ATP6V1H: variants seen among roughly 807,000 people sequenced by gnomAD.
ATP6V1H encodes the protein ATPase H+ transporting V1 subunit H, also known as V-type proton ATPase subunit H.
Under a neutral mutation model 71.7 loss-of-function variants are expected in ATP6V1H, and 39 were observed. The observed-to-expected ratio is 0.54, with a 90% CI of 0.42 to 0.71. The LOEUF (loss-of-function observed/expected upper bound fraction) is 0.71, where lower values mean the gene tolerates loss of function less well. ATP6V1H is among the 30% of genes least tolerant of loss of function. The probability of loss-of-function intolerance (pLI) is 0.00; values close to 1 mark genes in which losing one functional copy is unlikely to be tolerated. For synonymous variants in ATP6V1H, 192 were observed against 199.3 expected, an observed-to-expected ratio of 0.96 and a Z score of 0.31; for missense variants, 509 against 594.9, an observed-to-expected ratio of 0.86 and a Z score of 1.50.
At chr8:53,791,916 C>G (rs1244241277) in intron 9 of ATP6V1H, among the ~76,000 whole-genome samples, 2 of 152,166 alleles carry the variant, frequency 1.3e-5, no homozygotes, top group Non-Finnish European at 2.9e-5. Context: ...TACATGGAAC[C>G]CACAACTGTT....
intron 8 of ATP6V1H, 32 bp downstream of exon 8, chr8:53,801,767 G>A: frequency 6.6e-7 from 1 of 1,515,510 alleles, no homozygotes. Context: ...GCTTGTAAAT[G>A]TTATTTTACA....
rs1810262786 is a variant in ATP6V1H at position 53,811,194 on chromosome 8, A to G, written c.549T>C (p.Ala183=). The change falls in exon 7 of 14, where the codon GCT becomes GCC. Residue 183 remains alanine (A), a synonymous_variant. Coordinates refer to ENST00000359530, the MANE Select transcript of ATP6V1H (RefSeq NM_015941.4). ...SSQKLRGSGV[A]VETGTVSSSD... ...TTGAAGAGACTGTTCCTGTTTCAAC[A>G]GCAACACCGCTACCACGCAGTTTCT... 2 of 1,613,400 alleles carry G rather than the reference A, an allele frequency of 1.2e-6. No individual in the cohort carries two copies. Among genetic ancestry groups the G allele is most frequent in the Non-Finnish European group, 1.7e-6 (2 of 1,179,596 alleles).
intron 13 of ATP6V1H, among the ~76,000 whole-genome samples, chr8:53,738,222 G>A (rs937165033): frequency 4.0e-5 from 6 of 151,766 alleles, no homozygotes; most frequent in Non-Finnish European, 5.9e-5. Context: ...GCCTGAACCC[G>A]GGAGGTGGAG....
chr8:53,748,030 C>T (rs1012010816), intron 12 of ATP6V1H, among the ~76,000 whole-genome samples: 17 of 151,832 alleles, frequency 1.1e-4, no homozygotes, highest in African/African-American at 2.7e-4. Flanking sequence ...TGGTGGTGGG[C>T]GCCTGTAATC....
intron 8 of ATP6V1H, among the ~76,000 whole-genome samples, chr8:53,797,846 T>C (rs1436319337): frequency 1.3e-5 from 2 of 151,904 alleles, no homozygotes; most frequent in African/African-American, 4.8e-5. Context: ...CAAAAAAACA[T>C]AACAATACCA....
At chr8:53,802,230 T>C (rs1809932537) in intron 7 of ATP6V1H, among the ~76,000 whole-genome samples, 1 of 152,164 alleles carries the variant, frequency 6.6e-6, no homozygotes, top group Non-Finnish European at 1.5e-5. Context: ...AAAGATACTA[T>C]GTATAGAGAA....
At chr8:53,755,687 TATATATATATATATATATATATA>T (rs1807992488) in intron 12 of ATP6V1H, among the ~76,000 whole-genome samples, 91 of 3,018 alleles carry the variant, frequency 0.03, 6 homozygotes, top group African/African-American at 0.041. Context: ...CCAGCGTACA[TATATATATATATATATATATATA>T]TATATATATA....
At chr8:53,773,096 T>G (rs895467045) in intron 9 of ATP6V1H, among the ~76,000 whole-genome samples, 1 of 152,124 alleles carries the variant, frequency 6.6e-6, no homozygotes, top group Non-Finnish European at 1.5e-5. Context: ...TTCTACCAGA[T>G]TTTAAGTACC....
chr8:53,796,033 T>A (rs1026068053), intron 8 of ATP6V1H, among the ~76,000 whole-genome samples, 194 bp from the exon 9 acceptor site: 41 of 152,098 alleles, frequency 2.7e-4, no homozygotes, highest in African/African-American at 9.9e-4. Context: ...TAACCCTCTC[T>A]CCAAAAGTCA....
At chr8:53,770,729 TAATA>T (rs1808624622) in intron 10 of ATP6V1H, among the ~76,000 whole-genome samples, 1 of 150,236 alleles carries the variant, frequency 6.7e-6, no homozygotes, top group Non-Finnish European at 1.5e-5. Context: ...AGATAATCAA[TAATA>T]ATTAGCTAAA....
intron 2 of ATP6V1H, among the ~76,000 whole-genome samples, chr8:53,838,011 T>C (rs560614533): frequency 6.6e-6 from 1 of 152,242 alleles, no homozygotes; most frequent in South Asian, 2.1e-4. Context: ...AGAGCCACAC[T>C]GAACTACCTG....
At chr8:53,793,624 G>A (rs1417767224) in intron 9 of ATP6V1H, among the ~76,000 whole-genome samples, 1 of 151,830 alleles carries the variant, frequency 6.6e-6, no homozygotes, top group Non-Finnish European at 1.5e-5. Flanking sequence ...CAGCCTGGAT[G>A]ACAGAGTAAA....
chr8:53,794,790 G>A (rs898059587), intron 9 of ATP6V1H, among the ~76,000 whole-genome samples: 4 of 152,058 alleles, frequency 2.6e-5, no homozygotes, highest in Non-Finnish European at 4.4e-5. Context: ...TGACCTCTAC[G>A]CCTCAGTATT....
chr8:53,769,255 A>C (rs1246182243), intron 11 of ATP6V1H, among the ~76,000 whole-genome samples: 2 of 152,150 alleles, frequency 1.3e-5, no homozygotes, highest in African/African-American at 4.8e-5. Flanking sequence ...AAGACTGATG[A>C]ATTGACCTAC....
intron 4 of ATP6V1H, among the ~76,000 whole-genome samples, chr8:53,826,528 G>A (rs1810825855): frequency 6.6e-6 from 1 of 151,902 alleles, no homozygotes; most frequent in Admixed American, 6.6e-5. Context: ...GGCATATTCT[G>A]TTAAGTGAAA....
chr8:53,801,746 C>A, intron 8 of ATP6V1H, 53 bp downstream of exon 8: 1 of 1,399,450 alleles, frequency 7.1e-7, no homozygotes, highest in South Asian at 1.2e-5. Flanking sequence ...TTGAAAATGT[C>A]AAGGAGAGAT....
intron 1 of ATP6V1H, 84 bp from the exon 2 acceptor site, chr8:53,841,809 G>A (rs1441586743): frequency 5.5e-6 from 7 of 1,273,692 alleles, no homozygotes; most frequent in Non-Finnish European, 7.4e-6. Context: ...TGAATATCGT[G>A]ATCACTTTAA....
At chr8:53,742,307 C>T (rs1807441647) in intron 13 of ATP6V1H, among the ~76,000 whole-genome samples, 1 of 152,176 alleles carries the variant, frequency 6.6e-6, no homozygotes, top group Admixed American at 6.5e-5. Context: ...GTGCCAGTAG[C>T]ACCTCCACCC....
intron 13 of ATP6V1H, among the ~76,000 whole-genome samples, chr8:53,717,072 C>G (rs901692655): frequency 6.6e-6 from 1 of 152,192 alleles, no homozygotes; most frequent in South Asian, 2.1e-4. Context: ...ATACCATCGT[C>G]TCTTGCCTAT....
Sources: allele counts gnomAD v4.1 joint callset (sites outside exome capture counted in the v4.1 genomes callset), GRCh38; gene constraint gnomAD v4.1.1; transcripts MANE v1.5; gene names NCBI Gene and HGNC (gene_info 2026-07-23, HGNC 2026-07-21).